ZNF664: variants seen among roughly 807,000 people sequenced by gnomAD.
ZNF664 encodes zinc finger Organ of Corti 1.
In ZNF664, 10 loss-of-function variants were observed where a neutral mutation model predicts 18.2. That is an observed-to-expected ratio of 0.55 (90% CI 0.34 to 0.93). The LOEUF is 0.93. ZNF664 is among the 40% of genes least tolerant of loss of function. The probability of loss-of-function intolerance (pLI) is 0.02; values close to 1 mark genes in which losing one functional copy is unlikely to be tolerated. For synonymous variants in ZNF664, 119 were observed against 104.2 expected (o/e 1.14, Z -0.86); for missense variants, 193 against 319.0 (o/e 0.61, Z 3.01).
intron 3 of ZNF664, among the ~76,000 whole-genome samples, chr12:124,005,223 G>C (rs910250058): frequency 1.3e-5 from 2 of 152,282 alleles, no homozygotes; most frequent in African/African-American, 4.8e-5. Context: ...CACACGAGTT[G>C]AACCCAGGTT....
intron 3 of ZNF664, 163 bp from the exon 4 acceptor site, chr12:124,011,218 C>A: frequency 2.4e-6 from 2 of 850,358 alleles, no homozygotes; most frequent in Non-Finnish European, 2.8e-6. Context: ...TTTTACAGGA[C>A]AGCTGGTTTT....
rs1594551375 is a variant in ZNF664 at position 123,988,115 on chromosome 12, G to A, written c.-684G>A. 1.6e-6 allele frequency: 2 copies of A among 1,231,512 alleles called. No individual in the cohort carries two copies. The highest frequency in any genetic ancestry group is 3.2e-5 in the East Asian group (1 of 31,710). 76.3% of individuals were successfully genotyped at this position (1,231,512 alleles called of 1,614,324 possible). ...TCTGCCTGTTCTTCTGGAATGTCTT[G>A]GGGGTTTTGATCCTGTCACTGTGGT... On this transcript the variant is annotated 5_prime_UTR_variant, in exon 3 of 5. It introduces an in-frame stop codon into an upstream open reading frame of the 5' UTR. Coordinates refer to ENST00000337815, the MANE Select transcript of ZNF664 (RefSeq NM_152437.3).
Position 124,014,662 on chromosome 12 carries a change from A to G in ZNF664, c.*1732A>G, listed in dbSNP as rs1036693609. 1 of 167,130 alleles carries G rather than the reference A, an allele frequency of 6.0e-6. No individual in the cohort carries two copies. Among genetic ancestry groups the G allele is most frequent in the Non-Finnish European group, 1.5e-5 (1 of 68,124 alleles). 10.4% of individuals were successfully genotyped at this position (167,130 alleles called of 1,614,324 possible). On this transcript the variant is annotated 3_prime_UTR_variant, in exon 5 of 5. Transcript: ENST00000337815. ...TGTCAGCTGTCTAAGAGGTTGGAAA[A>G]TGAACTACTCAAGATAGTCACGAAA...
Position 124,012,744 on chromosome 12 carries a change from ATGT to A in ZNF664, c.604_606del (p.Cys202del), listed in dbSNP as rs1957147435. On this transcript the variant is annotated inframe_deletion, in exon 5 of 5. Coordinates refer to ENST00000337815, the MANE Select transcript of ZNF664 (RefSeq NM_152437.3). ...TCCACACTGGAGAGAAACCCTATAG[ATGT>A]TGTGGATGTGGGAAGGCCTTCAGTC... 1 of 1,612,292 alleles carries A rather than the reference ATGT, an allele frequency of 6.2e-7. No individual in the cohort carries two copies. The highest frequency in any genetic ancestry group is 8.5e-7 in the Non-Finnish European group (1 of 1,179,124).
chr12:124,004,069 A>G (rs1160526768), intron 3 of ZNF664, among the ~76,000 whole-genome samples: 1 of 152,180 alleles, frequency 6.6e-6, no homozygotes, highest in Non-Finnish European at 1.5e-5. Context: ...ACTGGGTGCA[A>G]GCCTACTGCA....
intron 2 of ZNF664, among the ~76,000 whole-genome samples, chr12:123,987,035 T>A (rs897839713): frequency 5.9e-5 from 9 of 152,234 alleles, no homozygotes; most frequent in African/African-American, 1.7e-4. Context: ...CTCAGCATAG[T>A]CTACAGGACT....
In ZNF664 at chr12:124,012,483, A is replaced by G. The variant is rs777110188; in HGVS notation, c.339A>G (p.Lys113=). 6.2e-7 allele frequency: 1 copy of G among 1,614,176 alleles called. No individual in the cohort carries two copies. The highest frequency in any genetic ancestry group is 8.5e-7 in the Non-Finnish European group (1 of 1,180,040). Residue 113 remains lysine, a synonymous_variant, in exon 5 of 5, where the codon AAA becomes AAG. Coordinates refer to ENST00000337815, the MANE Select transcript of ZNF664 (RefSeq NM_152437.3). ...ATATGAGAGTTCATACAGGTGAGAA[A>G]CCGTATGTCTGTAGTGAGTGTGGAA... ...QIHMRVHTGE[K]PYVCSECGRG...
At chr12:124,008,155 A>G (rs577062361) in intron 3 of ZNF664, among the ~76,000 whole-genome samples, 9 of 151,512 alleles carry the variant, frequency 5.9e-5, no homozygotes, top group Middle Eastern at 6.8e-3. Flanking sequence ...TCGTGTCCTT[A>G]TTGCAAAAAA....
intron 2 of ZNF664, among the ~76,000 whole-genome samples, chr12:123,983,039 C>T (rs1956784573): frequency 6.6e-6 from 1 of 152,128 alleles, no homozygotes; most frequent in Non-Finnish European, 1.5e-5. Context: ...CCTGTGGTTC[C>T]AGCTACTTAA....
rs185531312 is a variant in ZNF664 at position 124,002,582 on chromosome 12, T to A, written c.-660-8799T>A. On this transcript the variant is annotated intron_variant, in intron 3 of 4. Coordinates refer to ENST00000337815, the MANE Select transcript of ZNF664 (RefSeq NM_152437.3). ...GGAGCTTGTAGTGGCCATGGAGAGA[T>A]GCAAGGGCAGGGCTGGGTTATGTTG... 1.4e-4 allele frequency among the ~76,000 whole-genome samples: 22 copies of A among 152,096 alleles called. No homozygotes were observed. In the East Asian group the frequency reaches 3.9e-3, roughly 27 times the overall value.
At position 124,013,610 on chromosome 12, in the gene ZNF664, C is replaced by T; in HGVS notation, c.*680C>T. The T allele has an allele frequency of 6.0e-6, 1 of 167,530 alleles. No homozygotes were observed. The highest frequency in any genetic ancestry group is 1.5e-5 in the Non-Finnish European group (1 of 68,390). The allele number at this position is 167,530 out of a possible 1,614,324, so 10.4% of individuals were successfully genotyped here. ...TGAACCTTTTTTATTTGTGTGGATT[C>T]TGCTCATCACTGTCTCTGTTAGACT... On this transcript the variant is annotated 3_prime_UTR_variant, in exon 5 of 5. Transcript: ENST00000337815.
At chr12:123,985,766 C>T (rs1035429488) in intron 2 of ZNF664, among the ~76,000 whole-genome samples, 1 of 152,184 alleles carries the variant, frequency 6.6e-6, no homozygotes, top group Non-Finnish European at 1.5e-5. Context: ...ACGTCCGCTG[C>T]TGTGGGACTG....
intron 3 of ZNF664, among the ~76,000 whole-genome samples, chr12:123,992,719 C>A (rs748443979): frequency 6.6e-6 from 1 of 152,128 alleles, no homozygotes; most frequent in Non-Finnish European, 1.5e-5. Context: ...TTTTAGAGGT[C>A]ATTCTACTTT....
intron 3 of ZNF664, 92 bp downstream of exon 3, chr12:123,988,230 C>T (rs1323955740): frequency 3.4e-6 from 4 of 1,180,766 alleles, no homozygotes; most frequent in South Asian, 8.7e-5. Flanking sequence ...TTTTTCTGAG[C>T]ATGTGCCCTT....
intron 2 of ZNF664, among the ~76,000 whole-genome samples, chr12:123,982,269 A>C (rs1314723588): frequency 1.3e-5 from 2 of 152,198 alleles, no homozygotes; most frequent in African/African-American, 4.8e-5. Context: ...GTAGCGGAGA[A>C]AGTGCCTGCC....
In ZNF664 at chr12:123,973,894, G is replaced by C; in HGVS notation, c.-883G>C. 1 of 1,231,888 alleles carries C rather than the reference G, an allele frequency of 8.1e-7. No homozygotes were observed. Among genetic ancestry groups the C allele is most frequent in the Middle Eastern group, 3.1e-4 (1 of 3,208 alleles). The allele number at this position is 1,231,888 out of a possible 1,614,324, so 76.3% of individuals were successfully genotyped here. A position where few individuals can be genotyped will look rare whatever the true frequency, so the allele number is the denominator to read the frequency against. On this transcript the variant is annotated 5_prime_UTR_variant, in exon 2 of 5. Coordinates refer to ENST00000337815, the MANE Select transcript of ZNF664 (RefSeq NM_152437.3). ...TGCTGTGTGTTTTTCAGGGCGCCCT[G>C]CGTCCGGCAGAGGAGGCGAGCATCC...
At chr12:123,997,899 CTGGG>C (rs1234654868) in intron 3 of ZNF664, 1 of 152,224 alleles carries the variant, frequency 6.6e-6, no homozygotes, top group Non-Finnish European at 1.5e-5. Context: ...TTGGGCTACA[CTGGG>C]AGGGAGGCTC....
At chr12:123,986,532 T>C (rs1173196946) in intron 2 of ZNF664, among the ~76,000 whole-genome samples, 1 of 152,244 alleles carries the variant, frequency 6.6e-6, no homozygotes, top group African/African-American at 2.4e-5. Flanking sequence ...GCAGTCATTT[T>C]GCGGATCATA....
chr12:123,994,420 T>C (rs1417489463), intron 3 of ZNF664, among the ~76,000 whole-genome samples: 1 of 152,240 alleles, frequency 6.6e-6, no homozygotes. Context: ...CATTACATGC[T>C]AACATAAATG....
Sources: gnomAD v4.1 joint callset for allele counts (sites outside exome capture counted in the v4.1 genomes callset) on GRCh38, gnomAD v4.1.1 for gene constraint, MANE v1.5 for transcripts, NCBI Gene and HGNC (gene_info 2026-07-23, HGNC 2026-07-21) for gene names.